Variants in GCNT2 observed in about 807,000 individuals in gnomAD.
GCNT2 encodes glucosaminyl (N-acetyl) transferase 2 (I blood group).
In GCNT2, 34 loss-of-function variants were observed where a neutral mutation model predicts 34.2. The observed-to-expected ratio is 1.00, with a 90% CI of 0.76 to 1.32. The LOEUF is 1.32. Ranked by LOEUF, GCNT2 falls within the 40% of genes most tolerant of loss-of-function variation. The probability of loss-of-function intolerance (pLI) is 0.00; values close to 1 mark genes in which losing one functional copy is unlikely to be tolerated. For synonymous variants in GCNT2, 212 were observed against 188.0 expected (o/e 1.13, Z -1.04); for missense variants, 584 against 489.4 (o/e 1.19, Z -1.82).
At chr6:10,527,888 T>G (rs1000301027) in intron 2 of GCNT2, among the ~76,000 whole-genome samples, 3 of 152,082 alleles carry the variant, frequency 2.0e-5, no homozygotes, top group South Asian at 2.1e-4. Flanking sequence ...AAAAAAAGCC[T>G]CCTTTAAAGC....
At position 10,554,552 on chromosome 6, in the gene GCNT2, GTAAC is replaced by G. The variant is rs146288318; in HGVS notation, c.925+24719_925+24722del. ...TGTGCACCGAATGCTTTGTCAAACTGTAACTATTTTAATGTTCATTCTAAGCCAC... is the reference window on the plus strand; with the variant it reads ...TGTGCACCGAATGCTTTGTCAAACTGTATTTTAATGTTCATTCTAAGCCAC... On this transcript the variant is annotated intron_variant, in intron 3 of 4. Coordinates refer to ENST00000495262, the MANE Select transcript of GCNT2 (RefSeq NM_145649.5). Among the ~76,000 whole-genome samples the G allele has an allele frequency of 5.0e-3, 761 of 152,268 alleles. 9 individuals are homozygous for G. The highest frequency in any genetic ancestry group is 0.017 in the African/African-American group (718 of 41,540).
chr6:10,588,890 C>CGTGTGTTGT (rs1554134583), intron 3 of GCNT2, among the ~76,000 whole-genome samples: 2 of 140,088 alleles, frequency 1.4e-5, no homozygotes, highest in Non-Finnish European at 3.1e-5. Context: ...GTGTTTGTAG[C>CGTGTGTTGT]GTGTGTGTTG....
chr6:10,572,789 T>C (rs1001775264), intron 3 of GCNT2, among the ~76,000 whole-genome samples: 1 of 152,168 alleles, frequency 6.6e-6, no homozygotes, highest in Non-Finnish European at 1.5e-5. Context: ...AAATATAAAA[T>C]GTGAACTTAA....
chr6:10,540,084 AAAGGAAGG>A (rs201729671), intron 3 of GCNT2, among the ~76,000 whole-genome samples: 2 of 151,092 alleles, frequency 1.3e-5, no homozygotes, highest in South Asian at 4.2e-4. Flanking sequence ...TCTCAAAAAA[AAAGGAAGG>A]AAAGGAAGGA....
Position 10,614,230 on chromosome 6 carries a change from C to G in GCNT2, c.926-7121C>G, listed in dbSNP as rs184328660. Among the ~76,000 whole-genome samples the G allele has an allele frequency of 3.3e-5, 5 of 152,186 alleles. No homozygotes were observed. In the East Asian group the frequency reaches 9.6e-4, roughly 29 times the overall value. On this transcript the variant is annotated intron_variant, in intron 3 of 4. Coordinates refer to ENST00000495262, the MANE Select transcript of GCNT2 (RefSeq NM_145649.5). ...GTCTTGTTGAATATTTTCTCACTTC[C>G]CTAAGCAAGTTGAACCAAGCAGGAC...
In GCNT2 at chr6:10,583,811, G is replaced by A. The variant is rs976814629; in HGVS notation, c.926-37540G>A. Reference sequence around the variant, plus strand: ...CCAGTAGGTAGTCACTCCACATATTGTAGATAATACTGTGTCAACAGCTCA... The same window carrying A: ...CCAGTAGGTAGTCACTCCACATATTATAGATAATACTGTGTCAACAGCTCA... On this transcript the variant is annotated intron_variant, in intron 3 of 4. Coordinates refer to ENST00000495262, the MANE Select transcript of GCNT2 (RefSeq NM_145649.5). 2.8e-4 allele frequency among the ~76,000 whole-genome samples: 42 copies of A among 152,234 alleles called. 1 individual carries two copies. The highest frequency in any genetic ancestry group is 9.6e-4 in the African/African-American group (40 of 41,552).
chr6:10,538,167 G>A (rs1274068790), intron 3 of GCNT2, among the ~76,000 whole-genome samples: 1 of 151,688 alleles, frequency 6.6e-6, no homozygotes, highest in African/African-American at 2.4e-5. Context: ...TAGCACTTTG[G>A]GCAGCTGAGG....
At chr6:10,620,577 T>C (rs1053724812) in intron 3 of GCNT2, among the ~76,000 whole-genome samples, 14 of 152,036 alleles carry the variant, frequency 9.2e-5, no homozygotes, top group Non-Finnish European at 1.8e-4. Flanking sequence ...TCAGCTAATT[T>C]TTTATTTTTT....
intron 3 of GCNT2, among the ~76,000 whole-genome samples, chr6:10,531,874 CT>C (rs71548846): frequency 0.014 from 1,856 of 129,552 alleles, 46 homozygotes; most frequent in African/African-American, 0.047. Context: ...CCAATCCCCA[CT>C]TTTTTTTTTT....
chr6:10,542,884 A>T (rs998456911), intron 3 of GCNT2, among the ~76,000 whole-genome samples: 41 of 126,658 alleles, frequency 3.2e-4, no homozygotes, highest in African/African-American at 1.1e-3. Flanking sequence ...GCTGGTCCCT[A>T]TGTTAATTCT....
chr6:10,526,108 G>A (rs1218626399), intron 1 of GCNT2, among the ~76,000 whole-genome samples: 1 of 152,210 alleles, frequency 6.6e-6, no homozygotes, highest in Admixed American at 6.5e-5. Flanking sequence ...AGAAATTTTA[G>A]TCATTTCAGA....
chr6:10,551,515 G>A (rs905153663), intron 3 of GCNT2, among the ~76,000 whole-genome samples: 2 of 148,790 alleles, frequency 1.3e-5, no homozygotes, highest in African/African-American at 4.9e-5. Context: ...GCACGATTTC[G>A]GCTCACAGCA....
chr6:10,586,368 C>G (rs200376277), intron 3 of GCNT2: 1 of 1,614,086 alleles, frequency 6.2e-7, no homozygotes, highest in Non-Finnish European at 8.5e-7. Context: ...CTACTGTGTT[C>G]ACGTGGATGA....
At chr6:10,582,613 A>AAT (rs568219498) in intron 3 of GCNT2, among the ~76,000 whole-genome samples, 1 of 137,908 alleles carries the variant, frequency 7.3e-6, no homozygotes, top group Non-Finnish European at 1.5e-5. Flanking sequence ...TATTTATATA[A>AAT]ATATATATAT....
intron 3 of GCNT2, among the ~76,000 whole-genome samples, chr6:10,599,505 C>T (rs576706430): frequency 6.6e-6 from 1 of 152,168 alleles, no homozygotes; most frequent in Non-Finnish European, 1.5e-5. Flanking sequence ...CTATTGTATC[C>T]CAGCGGAGGT....
rs749436278 is a variant in GCNT2, at chr6:10,557,111, G to A, written c.925+27275G>A. ...TCATGCAATTGGACGGACTAAATATGTCCACCAAGAGCACCTGGGCAAAGA... is the reference window on the plus strand; with the variant it reads ...TCATGCAATTGGACGGACTAAATATATCCACCAAGAGCACCTGGGCAAAGA... On this transcript the variant is annotated intron_variant, in intron 3 of 4. Coordinates refer to ENST00000495262, the MANE Select transcript of GCNT2 (RefSeq NM_145649.5). The A allele has an allele frequency of 6.4e-6, 10 of 1,563,646 alleles. No individual in the cohort carries two copies. The African/African-American group carries it at 1.4e-4, about 21-fold the overall frequency.
In GCNT2 at chr6:10,528,933, T is replaced by C; in HGVS notation, c.22T>C (p.Cys8Arg). MMGSWKH[C>R]LFSASLISAL... ...GTGAATGATGGGCTCTTGGAAGCAC[T>C]GTCTTTTTAGCGCGTCTCTTATCTC... Residue 8 changes from cysteine to arginine, a missense_variant, in exon 3 of 5, where the codon TGT becomes CGT. Coordinates refer to ENST00000495262, the MANE Select transcript of GCNT2 (RefSeq NM_145649.5). 1.2e-6 allele frequency: 2 copies of C among 1,613,666 alleles called. No homozygotes were observed. The highest frequency in any genetic ancestry group is 1.7e-6 in the Non-Finnish European group (2 of 1,179,580).
chr6:10,534,837 G>A (rs970896731), intron 3 of GCNT2, among the ~76,000 whole-genome samples: 3 of 152,062 alleles, frequency 2.0e-5, no homozygotes, highest in Admixed American at 2.0e-4. Flanking sequence ...CCTCAGACTG[G>A]GCAACAGAGT....
At chr6:10,559,054 C>T (rs964452396) in intron 3 of GCNT2, among the ~76,000 whole-genome samples, 9 of 145,544 alleles carry the variant, frequency 6.2e-5, no homozygotes, top group Middle Eastern at 3.7e-3. Context: ...CATAAGTTAA[C>T]AAAAGTCTAA....
Sources: allele counts gnomAD v4.1 joint callset (sites outside exome capture counted in the v4.1 genomes callset), GRCh38; gene constraint gnomAD v4.1.1; transcripts MANE v1.5; gene names NCBI Gene and HGNC (gene_info 2026-07-23, HGNC 2026-07-21).